IQCK: variants seen among roughly 807,000 people sequenced by gnomAD.
IQCK encodes IQ motif containing K.
A neutral mutation model predicts 28.1 loss-of-function variants in IQCK; 29 were observed. The ratio of observed to expected loss-of-function variants is 1.03; its 90% CI spans 0.77 to 1.41. The LOEUF (loss-of-function observed/expected upper bound fraction) is 1.41, where lower values mean the gene tolerates loss of function less well. Ranked by LOEUF, IQCK falls within the 40% of genes most tolerant of loss-of-function variation. IQCK has a pLI of 0.00. For synonymous variants in IQCK, 113 were observed against 115.1 expected (o/e 0.98, Z 0.12); for missense variants, 359 against 314.7 (o/e 1.14, Z -1.07).
intron 1 of IQCK, among the ~76,000 whole-genome samples, chr16:19,721,587 C>CTT (rs56747844): frequency 6.5e-5 from 9 of 137,730 alleles, no homozygotes; most frequent in Non-Finnish European, 9.4e-5. Flanking sequence ...TAACAGTTTC[C>CTT]TTTTTTTTTT....
chr16:19,721,464 C>T (rs1977492575), intron 1 of IQCK, among the ~76,000 whole-genome samples: 1 of 152,108 alleles, frequency 6.6e-6, no homozygotes, highest in South Asian at 2.1e-4. Flanking sequence ...AAAAAGCACT[C>T]GTGTTAGTGT....
chr16:19,840,415 T>A (rs2056351648), intron 9 of IQCK, among the ~76,000 whole-genome samples: 2 of 152,194 alleles, frequency 1.3e-5, no homozygotes, highest in Non-Finnish European at 2.9e-5. Flanking sequence ...CCCCAGATGC[T>A]AATAGTGATT....
intron 4 of IQCK, 67 bp downstream of exon 4, chr16:19,735,517 T>C: frequency 8.0e-7 from 1 of 1,249,798 alleles, no homozygotes; most frequent in Non-Finnish European, 1.2e-6. Flanking sequence ...AGATGATAGC[T>C]CATTATCTTG....
At chr16:19,850,739 G>A (rs1317242957) in intron 9 of IQCK, among the ~76,000 whole-genome samples, 2 of 152,160 alleles carry the variant, frequency 1.3e-5, no homozygotes, top group African/African-American at 4.8e-5. Flanking sequence ...AGCTGGCTGG[G>A]TGCTGTGGCT....
chr16:19,729,657 T>G (rs868271475), intron 1 of IQCK, among the ~76,000 whole-genome samples: 20 of 151,708 alleles, frequency 1.3e-4, no homozygotes, highest in South Asian at 6.2e-4. Context: ...ATTTTTTATT[T>G]TTTTTGAGAT....
intron 9 of IQCK, among the ~76,000 whole-genome samples, chr16:19,846,159 A>G (rs2056413460): frequency 2.0e-5 from 3 of 152,198 alleles, no homozygotes; most frequent in African/African-American, 7.2e-5. Flanking sequence ...ATTCTACCAA[A>G]AGGAAAGTCT....
chr16:19,811,000 C>T lies in IQCK; in HGVS notation c.691-16026C>T, dbSNP rs540553515. On this transcript the variant is annotated intron_variant, in intron 7 of 7. Coordinates refer to ENST00000564186, the Ensembl canonical transcript of IQCK. ...AGATCAAGGCATTGAAGGCATTGTA[C>T]GGTCTGGGTACAGTGGCTCACGCCT... Among the ~76,000 whole-genome samples, 25 of 152,132 alleles carry T rather than the reference C, an allele frequency of 1.6e-4. No homozygotes were observed. The East Asian group carries it at 3.5e-3, about 21-fold the overall frequency.
At chr16:19,764,457 C>A in intron 6 of IQCK, 1 of 173,810 alleles carries the variant, frequency 5.8e-6, no homozygotes, top group Admixed American at 5.8e-5. Flanking sequence ...TTAGAAAATA[C>A]TAAAAAAGCT....
chr16:19,760,301 G>C (rs1266823164), intron 4 of IQCK, among the ~76,000 whole-genome samples: 2 of 152,142 alleles, frequency 1.3e-5, no homozygotes, highest in African/African-American at 4.8e-5. Context: ...AAGTGCAAAA[G>C]AGAATATATT....
chr16:19,844,957 C>A (rs1289110378), intron 9 of IQCK, among the ~76,000 whole-genome samples: 1 of 152,136 alleles, frequency 6.6e-6, no homozygotes, highest in Non-Finnish European at 1.5e-5. Flanking sequence ...TACAGGCACA[C>A]GTCACCATGC....
intron 4 of IQCK, among the ~76,000 whole-genome samples, chr16:19,755,462 G>A (rs1168511712): frequency 6.6e-6 from 1 of 152,194 alleles, no homozygotes; most frequent in African/African-American, 2.4e-5. Context: ...AGACTGTAGC[G>A]TAGGGAGAGG....
chr16:19,721,587 CT>C (rs56747844), intron 1 of IQCK, among the ~76,000 whole-genome samples: 45,691 of 137,572 alleles, frequency 0.33, 11,068 homozygotes, highest in African/African-American at 0.72. Flanking sequence ...TAACAGTTTC[CT>C]TTTTTTTTTT....
At chr16:19,729,078 T>C (rs1977748308) in intron 1 of IQCK, among the ~76,000 whole-genome samples, 1 of 152,220 alleles carries the variant, frequency 6.6e-6, no homozygotes, top group Non-Finnish European at 1.5e-5. Flanking sequence ...ATGAGCATTT[T>C]CTGTTCCTCT....
downstream of IQCK, among the ~76,000 whole-genome samples, chr16:19,828,708 C>G (rs1348811521): frequency 2.7e-5 from 4 of 149,878 alleles, no homozygotes; most frequent in Admixed American, 1.3e-4. Context: ...GAAACCCTGT[C>G]TCTACTAAAA....
chr16:19,786,811 G>A lies in IQCK; in HGVS notation c.606-2027G>A, dbSNP rs1452596849. Among the ~76,000 whole-genome samples the A allele has an allele frequency of 5.7e-5, 5 of 87,818 alleles. 1 individual carries two copies. The South Asian group carries it at 1.7e-3, about 30-fold the overall frequency. The allele number at this position is 87,818 out of a possible 152,430, so 57.6% of individuals were successfully genotyped here. On this transcript the variant is annotated intron_variant, in intron 6 of 7. Transcript: ENST00000564186. ...AAAGAAAGAAAGAGAGAGAGAGAGA[G>A]AGAAGGGAGGGAGGGAGGGAGGGGG...
intron 1 of IQCK, among the ~76,000 whole-genome samples, chr16:19,728,894 C>G (rs1268388688): frequency 6.6e-6 from 1 of 152,206 alleles, no homozygotes; most frequent in Non-Finnish European, 1.5e-5. Flanking sequence ...TGATAGGTAG[C>G]TAGGTGATGA....
chr16:19,735,537 G>T (rs934140565), intron 4 of IQCK, 87 bp downstream of exon 4: 2 of 1,142,778 alleles, frequency 1.8e-6, no homozygotes, highest in African/African-American at 1.5e-5. Context: ...GGTACCATCA[G>T]GTTGTTCTCC....
intron 4 of IQCK, among the ~76,000 whole-genome samples, chr16:19,750,313 G>A (rs1221261545): frequency 6.6e-6 from 1 of 152,040 alleles, no homozygotes; most frequent in Non-Finnish European, 1.5e-5. Context: ...TTTTAGTAGA[G>A]ACGGGGTTTC....
chr16:19,719,539 G>A (rs1977408796), intron 1 of IQCK, among the ~76,000 whole-genome samples: 1 of 150,890 alleles, frequency 6.6e-6, no homozygotes, highest in Admixed American at 6.6e-5. Flanking sequence ...GCAGTGAGCC[G>A]AGTTTGCGCC....
Sources: gnomAD v4.1 joint callset for allele counts (sites outside exome capture counted in the v4.1 genomes callset) on GRCh38, gnomAD v4.1.1 for gene constraint, MANE v1.5 for transcripts, NCBI Gene and HGNC (gene_info 2026-07-23, HGNC 2026-07-21) for gene names.